Variants in SUFU observed in about 807,000 individuals in gnomAD.
The protein encoded by SUFU is suppressor of fused homolog.
SUFU carries 7 observed loss-of-function variants against 58.9 expected under a neutral mutation model. The observed-to-expected ratio is 0.12, with a 90% CI of 0.07 to 0.22. The LOEUF is 0.22. SUFU is among the 10% of genes least tolerant of loss of function. The pLI is 1.00. For synonymous variants in SUFU, 232 were observed against 254.8 expected, an observed-to-expected ratio of 0.91 and a Z score of 0.85; for missense variants, 451 against 641.3, an observed-to-expected ratio of 0.70 and a Z score of 3.20.
chr10:102,518,197 CTA>C (rs2062496004), intron 2 of SUFU, among the ~76,000 whole-genome samples: 1 of 152,144 alleles, frequency 6.6e-6, no homozygotes, highest in African/African-American at 2.4e-5. Context: ...CAGAACAACT[CTA>C]TGGTGTAGGA....
rs2063829730 is a variant in SUFU, at chr10:102,630,617, G to A, written c.*462G>A. 1 of 314,274 alleles carries A rather than the reference G, an allele frequency of 3.2e-6. No individual in the cohort carries two copies. Among genetic ancestry groups the A allele is most frequent in the Non-Finnish European group, 6.0e-6 (1 of 165,396 alleles). The allele number at this position is 314,274 out of a possible 1,614,324, so 19.5% of individuals were successfully genotyped here. ...TGCTACTCAAGCTCCTCTGGCCGCG[G>A]AACAATTCCTCTGATCATGTTTGGT... On this transcript the variant is annotated 3_prime_UTR_variant, in exon 12 of 12. Transcript: ENST00000369902.
chr10:102,627,199 G>A lies in SUFU; in HGVS notation c.1321G>A (p.Glu441Lys). 6.2e-7 allele frequency: 1 copy of A among 1,614,252 alleles called. No individual in the cohort carries two copies. The highest frequency in any genetic ancestry group is 8.5e-7 in the Non-Finnish European group (1 of 1,180,042). The change falls in exon 11 of 12, where the codon GAG becomes AAG. Residue 441 changes from glutamate (E) to lysine (K), a missense_variant. Coordinates refer to ENST00000369902, the MANE Select transcript of SUFU (RefSeq NM_016169.4). Reference sequence around the variant, plus strand: ...GATTCTGTTGACCGAAGAGTTTGTAGAGAAAATGTTGGAGGATTTAGAAGA... The same window carrying A: ...GATTCTGTTGACCGAAGAGTTTGTAAAGAAAATGTTGGAGGATTTAGAAGA... Reference protein sequence around the residue: ...LQILLTEEFVEKMLEDLEDLT... With the variant: ...LQILLTEEFVKKMLEDLEDLT...
intron 3 of SUFU, among the ~76,000 whole-genome samples, chr10:102,583,649 C>T (rs553409105): frequency 6.6e-6 from 1 of 152,182 alleles, no homozygotes; most frequent in Non-Finnish European, 1.5e-5. Flanking sequence ...CAGCCTTTTC[C>T]CTGTTTCCAG....
intron 3 of SUFU, among the ~76,000 whole-genome samples, chr10:102,556,964 C>G (rs1460696622): frequency 6.6e-6 from 1 of 151,856 alleles, no homozygotes; most frequent in Non-Finnish European, 1.5e-5. Context: ...TGGTGCACAT[C>G]TGTAATCACA....
chr10:102,606,000 A>G (rs950850029), intron 8 of SUFU, among the ~76,000 whole-genome samples: 8 of 152,210 alleles, frequency 5.3e-5, no homozygotes, highest in African/African-American at 1.7e-4. Context: ...CTTTCCACCC[A>G]TGCTGCCACT....
At chr10:102,533,590 C>T (rs1304075325) in intron 2 of SUFU, among the ~76,000 whole-genome samples, 1 of 151,974 alleles carries the variant, frequency 6.6e-6, no homozygotes, top group Non-Finnish European at 1.5e-5. Context: ...AAGCAAAGTG[C>T]CTGAGGGAGA....
chr10:102,579,326 GA>G (rs1000396989), intron 3 of SUFU, among the ~76,000 whole-genome samples: 2 of 152,202 alleles, frequency 1.3e-5, no homozygotes, highest in African/African-American at 4.8e-5. Flanking sequence ...TCTAGCTAGC[GA>G]AACTGCATCA....
chr10:102,597,359 G>T, intron 7 of SUFU, 66 bp downstream of exon 7: 1 of 1,576,084 alleles, frequency 6.3e-7, no homozygotes, highest in Non-Finnish European at 8.6e-7. Flanking sequence ...CTGGTTTCCA[G>T]TCTCTCTAGG....
At chr10:102,573,100 C>T (rs948544377) in intron 3 of SUFU, 45 of 776,256 alleles carry the variant, frequency 5.8e-5, no homozygotes, top group Middle Eastern at 2.6e-4. Flanking sequence ...AGGTAGGTGA[C>T]GTGCGGATCT....
In SUFU at chr10:102,577,536, G is replaced by C. The variant is rs148839187; in HGVS notation, c.455-15046G>C. ...GTATTTTTTGCAGAGGCAGGGTTTT[G>C]CCATGTTGCCAAGGATGGTATCAAA... On this transcript the variant is annotated intron_variant, in intron 3 of 11. Coordinates refer to ENST00000369902, the MANE Select transcript of SUFU (RefSeq NM_016169.4). Among the ~76,000 whole-genome samples the C allele has an allele frequency of 3.3e-3, 508 of 152,130 alleles. 5 individuals carry two copies. The highest frequency in any genetic ancestry group is 0.011 in the African/African-American group (477 of 41,500).
chr10:102,599,602 TG>T (rs1317409337), intron 8 of SUFU, 58 bp downstream of exon 8: 1 of 1,418,368 alleles, frequency 7.1e-7, no homozygotes, highest in Non-Finnish European at 9.9e-7. Flanking sequence ...CTGAAGGGCC[TG>T]TCCCTGTGGA....
intron 2 of SUFU, among the ~76,000 whole-genome samples, chr10:102,537,803 G>T (rs965838655): frequency 2.0e-5 from 3 of 152,108 alleles, no homozygotes; most frequent in African/African-American, 7.2e-5. Context: ...TCCATCTATT[G>T]ACTGACTCTT....
At chr10:102,560,767 A>T (rs893503547) in intron 3 of SUFU, among the ~76,000 whole-genome samples, 10 of 151,862 alleles carry the variant, frequency 6.6e-5, no homozygotes, top group Non-Finnish European at 8.8e-5. Context: ...GGTCATTTCT[A>T]ATTTTTTCCT....
chr10:102,526,895 GAGGCTTGGTA>G (rs2062614261), intron 2 of SUFU, among the ~76,000 whole-genome samples: 2 of 152,162 alleles, frequency 1.3e-5, no homozygotes, highest in South Asian at 4.1e-4. Context: ...CAGTGCATCT[GAGGCTTGGTA>G]AGAGAGAACA....
At chr10:102,514,147 A>G (rs912263692) in intron 2 of SUFU, among the ~76,000 whole-genome samples, 26 of 152,004 alleles carry the variant, frequency 1.7e-4, no homozygotes, top group Non-Finnish European at 2.6e-4. Flanking sequence ...TTGGCCTCTC[A>G]AAGTGCTGGA....
chr10:102,569,452 C>T (rs1458121616), intron 3 of SUFU, among the ~76,000 whole-genome samples: 6 of 152,208 alleles, frequency 3.9e-5, no homozygotes, highest in African/African-American at 1.4e-4. Flanking sequence ...TACTCAGACT[C>T]TGTGGCTCTT....
chr10:102,572,325 C>G (rs1054502151), intron 3 of SUFU, among the ~76,000 whole-genome samples: 1 of 151,432 alleles, frequency 6.6e-6, no homozygotes, highest in African/African-American at 2.4e-5. Flanking sequence ...ATCCGTCTGC[C>G]TCGGCCTCCC....
At chr10:102,553,495 G>A (rs910409065) in intron 3 of SUFU, among the ~76,000 whole-genome samples, 7 of 148,814 alleles carry the variant, frequency 4.7e-5, no homozygotes, top group African/African-American at 1.0e-4. Context: ...ATGGAGTCTC[G>A]CTCTATTGCC....
intron 3 of SUFU, among the ~76,000 whole-genome samples, chr10:102,590,130 C>A (rs529479248): frequency 1.3e-5 from 2 of 149,956 alleles, no homozygotes; most frequent in Non-Finnish European, 3.0e-5. Context: ...CCACCTCCCC[C>A]CCGACTTTTT....
Sources: allele counts gnomAD v4.1 joint callset (sites outside exome capture counted in the v4.1 genomes callset), GRCh38; gene constraint gnomAD v4.1.1; transcripts MANE v1.5; gene names NCBI Gene and HGNC (gene_info 2026-07-23, HGNC 2026-07-21).